BIN3: variants seen among roughly 807,000 people sequenced by gnomAD.
BIN3 encodes the protein bridging integrator 3.
Under a neutral mutation model 38.2 loss-of-function variants are expected in BIN3, and 41 were observed. That is an observed-to-expected ratio of 1.07 (90% CI 0.84 to 1.39). The LOEUF (loss-of-function observed/expected upper bound fraction) is 1.39. Ranked by LOEUF, BIN3 falls within the 40% of genes most tolerant of loss-of-function variation. The pLI is 0.00. For missense variants in BIN3, 361 were observed against 324.3 expected (o/e 1.11, Z -0.87); for synonymous variants, 145 against 122.6 (o/e 1.18, Z -1.21).
rs943715051 is a variant in BIN3, at chr8:22,621,142, C to A, written c.*280G>T. ...ATGGCCTCAGAAGGGCTGCAGCTTG[C>A]TCAGGCCGTGGGCCAGGATGCATGC... On this transcript the variant is annotated 3_prime_UTR_variant, in exon 9 of 9. Transcript: ENST00000276416. 2.6e-6 allele frequency: 1 copy of A among 392,044 alleles called. No individual in the cohort carries two copies. Among genetic ancestry groups the A allele is most frequent in the Non-Finnish European group, 4.6e-6 (1 of 215,418 alleles). The allele number at this position is 392,044 out of a possible 1,614,324, so 24.3% of individuals were successfully genotyped here.
chr8:22,641,111 GAAAAGA>G (rs1563963528), intron 2 of BIN3, among the ~76,000 whole-genome samples: 1 of 152,222 alleles, frequency 6.6e-6, no homozygotes, highest in Non-Finnish European at 1.5e-5. Flanking sequence ...TCATTCCGAG[GAAAAGA>G]GCCAGACAGA....
chr8:22,648,061 G>A (rs1338277417), intron 1 of BIN3, among the ~76,000 whole-genome samples: 1 of 151,030 alleles, frequency 6.6e-6, no homozygotes, highest in Non-Finnish European at 1.5e-5. Context: ...CATGAGCCTG[G>A]GAGGCAGAGC....
chr8:22,628,088 G>T (rs1317325417), intron 6 of BIN3, among the ~76,000 whole-genome samples: 2 of 152,234 alleles, frequency 1.3e-5, no homozygotes, highest in African/African-American at 4.8e-5. Context: ...AGCGAGGCCG[G>T]CTGGGAGGTG....
At chr8:22,644,385 T>A (rs1393335991) in intron 2 of BIN3, among the ~76,000 whole-genome samples, 1 of 152,182 alleles carries the variant, frequency 6.6e-6, no homozygotes, top group African/African-American at 2.4e-5. Flanking sequence ...CAGAAATAAA[T>A]GCCTGGGCAG....
chr8:22,648,629 A>C (rs534606209), intron 1 of BIN3, among the ~76,000 whole-genome samples: 2 of 152,320 alleles, frequency 1.3e-5, no homozygotes, highest in African/African-American at 4.8e-5. Flanking sequence ...CTTGATCACC[A>C]GGCTGAGGTC....
intron 2 of BIN3, among the ~76,000 whole-genome samples, chr8:22,642,417 G>T (rs573665187): frequency 4.6e-5 from 7 of 152,334 alleles, no homozygotes; most frequent in Admixed American, 3.9e-4. Flanking sequence ...GAGTGGAGGG[G>T]TATAGGCCAG....
chr8:22,621,775 G>A (rs1281186408), intron 8 of BIN3, among the ~76,000 whole-genome samples: 1 of 152,242 alleles, frequency 6.6e-6, no homozygotes, highest in East Asian at 1.9e-4. Context: ...CTCAGTGGCT[G>A]GAGGTGGAGG....
rs757867694 is a variant in BIN3, at chr8:22,621,480, C to T, written c.704G>A (p.Arg235Gln). 83 of 1,613,768 alleles carry T rather than the reference C, an allele frequency of 5.1e-5. No individual in the cohort carries two copies. The highest frequency in any genetic ancestry group is 1.6e-4 in the East Asian group (7 of 44,904). Reference protein sequence around the residue: ...QPGHSDEQRERENEAKLSELR... With the variant: ...QPGHSDEQREQENEAKLSELR... Reference sequence around the variant, plus strand: ...CTCACTGAGTTTGGCCTCGTTCTCCCGCTCCCGCTGCTCATCGGAGTGGCC... The same window carrying T: ...CTCACTGAGTTTGGCCTCGTTCTCCTGCTCCCGCTGCTCATCGGAGTGGCC... The change falls in exon 9 of 9, where the codon CGG becomes CAG. Residue 235 changes from arginine to glutamine, a missense_variant. Transcript: ENST00000276416.
intron 4 of BIN3, among the ~76,000 whole-genome samples, chr8:22,631,032 G>A (rs1268666997): frequency 1.3e-5 from 2 of 152,180 alleles, no homozygotes; most frequent in African/African-American, 2.4e-5. Flanking sequence ...AGGCCCAACA[G>A]TAAATATTTC....
In BIN3 at chr8:22,668,936, G is replaced by A. The variant is rs559427675; in HGVS notation, c.8+108C>T. ...GGGCTGTCGGGCCTTGCTCTGGGGC[G>A]GAGGGGTCGCGCGGGACCGGAGGGA... On this transcript the variant is annotated intron_variant, in intron 1 of 8. Coordinates refer to ENST00000276416, the MANE Select transcript of BIN3 (RefSeq NM_018688.6). 4,707 of 1,439,706 alleles carry A rather than the reference G, an allele frequency of 3.3e-3. 12 individuals are homozygous for A. Among genetic ancestry groups the A allele is most frequent in the Non-Finnish European group, 4.2e-3 (4,434 of 1,054,238 alleles). 89.2% of individuals were successfully genotyped at this position (1,439,706 alleles called of 1,614,324 possible).
At chr8:22,628,383 T>A (rs750185988) in intron 6 of BIN3, among the ~76,000 whole-genome samples, 15 of 152,114 alleles carry the variant, frequency 9.9e-5, no homozygotes, top group Non-Finnish European at 2.1e-4. Flanking sequence ...AGGAAGCCAA[T>A]GGGAAGAGGC....
intron 6 of BIN3, chr8:22,625,403 T>C (rs1244596799): frequency 4.3e-6 from 3 of 702,038 alleles, no homozygotes; most frequent in East Asian, 2.7e-5. Context: ...ACCAGAAGAG[T>C]TGGTTCCTCC....
At chr8:22,664,647 C>T (rs1415651660) in intron 1 of BIN3, among the ~76,000 whole-genome samples, 1 of 152,260 alleles carries the variant, frequency 6.6e-6, no homozygotes, top group Non-Finnish European at 1.5e-5. Context: ...TGGTCTGCTA[C>T]TCTTCTAATA....
intron 4 of BIN3, among the ~76,000 whole-genome samples, chr8:22,632,306 A>G (rs1000293622): frequency 6.6e-6 from 1 of 152,192 alleles, no homozygotes; most frequent in African/African-American, 2.4e-5. Context: ...TGCCTCCGCC[A>G]GGCCCCTTCA....
At chr8:22,668,935 C>CGGAGG in intron 1 of BIN3, 109 bp downstream of exon 1, 4 of 1,428,386 alleles carry the variant, frequency 2.8e-6, no homozygotes, top group Non-Finnish European at 3.8e-6. Flanking sequence ...TGCTCTGGGG[C>CGGAGG]GGAGGGGTCG....
In BIN3 at chr8:22,621,245, G is replaced by A. The variant is rs1002619845; in HGVS notation, c.*177C>T. Reference sequence around the variant, plus strand: ...TGCTGGGGCTGTGAGTGGGGAGACGGCGGCCTGCCTAGGGCTCCTGGTGCC... The same window carrying A: ...TGCTGGGGCTGTGAGTGGGGAGACGACGGCCTGCCTAGGGCTCCTGGTGCC... On this transcript the variant is annotated 3_prime_UTR_variant, in exon 9 of 9. Coordinates refer to ENST00000276416, the MANE Select transcript of BIN3 (RefSeq NM_018688.6). 2.1e-5 allele frequency: 17 copies of A among 791,670 alleles called. No individual in the cohort carries two copies. In the African/African-American group the frequency reaches 2.8e-4, roughly 13 times the overall value. The allele number at this position is 791,670 out of a possible 1,614,324, so 49.0% of individuals were successfully genotyped here. A position where few individuals can be genotyped will look rare whatever the true frequency, so the allele number is the denominator to read the frequency against.
At position 22,669,064 on chromosome 8, in the gene BIN3, G is replaced by C. The variant is rs1803524072; in HGVS notation, c.-13C>G. 7.5e-6 allele frequency: 12 copies of C among 1,591,684 alleles called. No individual in the cohort carries two copies. Among genetic ancestry groups the C allele is most frequent in the Non-Finnish European group, 9.4e-6 (11 of 1,169,572 alleles). ...CTCACCAGCTCATGGTCCCGAACCT[G>C]CGTCTGCCGCCGGGGTCCTCAGCCA... On this transcript the variant is annotated 5_prime_UTR_variant, in exon 1 of 9. Coordinates refer to ENST00000276416, the MANE Select transcript of BIN3 (RefSeq NM_018688.6).
intron 2 of BIN3, among the ~76,000 whole-genome samples, chr8:22,638,140 G>A (rs983267641): frequency 9.2e-5 from 14 of 152,208 alleles, no homozygotes; most frequent in Non-Finnish European, 1.9e-4. Context: ...CTGCTCTGAG[G>A]GTCAGGGAGT....
At chr8:22,623,859 G>A in intron 8 of BIN3, 56 bp downstream of exon 8, 3 of 1,574,614 alleles carry the variant, frequency 1.9e-6, no homozygotes, top group Non-Finnish European at 2.6e-6. Context: ...TGGGTGACAG[G>A]GAGTGGCATG....
Sources: gnomAD v4.1 joint callset for allele counts (sites outside exome capture counted in the v4.1 genomes callset) on GRCh38, gnomAD v4.1.1 for gene constraint, MANE v1.5 for transcripts, NCBI Gene and HGNC (gene_info 2026-07-23, HGNC 2026-07-21) for gene names.